The following TRUB2 variants were observed in gnomAD, a reference collection of about 807,000 sequenced individuals.
TRUB2 encodes the protein TruB pseudouridine synthase family member 2, also known as pseudouridylate synthase TRUB2, mitochondrial.
Under a neutral mutation model 31.9 loss-of-function variants are expected in TRUB2, and 31 were observed. The observed-to-expected ratio is 0.97, with a 90% CI of 0.73 to 1.31. TRUB2 has a LOEUF of 1.31. TRUB2 is among the 50% of genes most tolerant of loss of function. The pLI, the probability that TRUB2 is intolerant of heterozygous loss-of-function variation, is 0.00. For missense variants in TRUB2, 451 were observed against 439.6 expected, an observed-to-expected ratio of 1.03 and a Z score of -0.23; for synonymous variants, 201 against 182.6, an observed-to-expected ratio of 1.10 and a Z score of -0.81.
In TRUB2 at chr9:128,309,376, C is replaced by T; in HGVS notation, c.*174G>A. 1.5e-6 allele frequency: 1 copy of T among 647,456 alleles called. No homozygotes were observed. The highest frequency in any genetic ancestry group is 2.6e-6 in the Non-Finnish European group (1 of 381,268). The allele number at this position is 647,456 out of a possible 1,614,324, so 40.1% of individuals were successfully genotyped here. On this transcript the variant is annotated 3_prime_UTR_variant, in exon 8 of 8. Coordinates refer to ENST00000372890, the MANE Select transcript of TRUB2 (RefSeq NM_015679.3). The stretch of plus-strand genomic sequence containing the variant: ...CATGTTTACTGTCTTTTCCTCCATA[C>T]AGAAGTTTTTCCTTCTCAGTTGGGT...
At chr9:128,321,507 G>A in intron 2 of TRUB2, 92 bp downstream of exon 2, 2 of 1,592,716 alleles carry the variant, frequency 1.3e-6, no homozygotes, top group Non-Finnish European at 1.7e-6. Flanking sequence ...ACCTTCAAGG[G>A]CCTGGCACAG....
At chr9:128,321,445 C>T (rs1012915457) in intron 2 of TRUB2, among the ~76,000 whole-genome samples, 154 bp downstream of exon 2, 1 of 152,168 alleles carries the variant, frequency 6.6e-6, no homozygotes, top group Admixed American at 6.5e-5. Flanking sequence ...AGTATCTGGC[C>T]CTTTCCAAGG....
At chr9:128,315,667 C>T in intron 3 of TRUB2, 39 bp from the exon 4 acceptor site, 3 of 1,601,548 alleles carry the variant, frequency 1.9e-6, no homozygotes, top group Non-Finnish European at 1.7e-6. Context: ...CTGGGACCCC[C>T]TTCCCATTCC....
In TRUB2 at chr9:128,321,724, T is replaced by C. The variant is rs1438918966; in HGVS notation, c.116A>G (p.Asn39Ser). 7.4e-6 allele frequency: 12 copies of C among 1,613,314 alleles called. No homozygotes were observed. Among genetic ancestry groups the C allele is most frequent in the African/African-American group, 1.3e-5 (1 of 74,902 alleles). Residue 39 changes from asparagine (N) to serine (S), a missense_variant, in exon 2 of 8, where the codon AAT becomes AGT. Physicochemically the swap from Asn to Ser is conservative, Grantham distance 46. Coordinates refer to ENST00000372890, the MANE Select transcript of TRUB2 (RefSeq NM_015679.3). ...TVELQLLKGL[N>S]ARKPPAPKQR... is the part of the protein sequence containing the mutation. The stretch of plus-strand genomic sequence containing the variant: ...TTTAGGAGCGGGAGGCTTCCTGGCA[T>C]TGAGACCTGAACACACAGAGATAAT...
chr9:128,322,358 C>A lies in TRUB2; in HGVS notation c.51G>T (p.Lys17Asn), dbSNP rs1398003468. 1 of 1,614,106 alleles carries A rather than the reference C, an allele frequency of 6.2e-7. No individual in the cohort carries two copies. Among genetic ancestry groups the A allele is most frequent in the Non-Finnish European group, 8.5e-7 (1 of 1,180,026 alleles). Reference sequence around the variant, plus strand: ...GGTGCTTCCATTTTAGCCCCGGGGGCTTATAGACCGCGAAAAGCCCATGCA... The same window carrying A: ...GGTGCTTCCATTTTAGCCCCGGGGGATTATAGACCGCGAAAAGCCCATGCA... ...SRLHGLFAVY[K>N]PPGLKWKHLR... is the part of the protein sequence containing the mutation. Residue 17 changes from lysine (K) to asparagine (N), a missense_variant, in exon 1 of 8, where the codon AAG becomes AAT. Lys to Asn is a moderately conservative substitution (Grantham distance 94, BLOSUM62 0). Transcript: ENST00000372890.
chr9:128,315,884 A>G, intron 3 of TRUB2: 1 of 514,082 alleles, frequency 1.9e-6, no homozygotes, highest in Admixed American at 3.2e-5. Flanking sequence ...AGCTCTCCAC[A>G]GGATTCTGAC....
chr9:128,314,526 C>T (rs1832035002), intron 4 of TRUB2, among the ~76,000 whole-genome samples: 1 of 152,114 alleles, frequency 6.6e-6, no homozygotes, highest in South Asian at 2.1e-4. Flanking sequence ...AATCCCAGCA[C>T]TTTGGGAGAC....
At chr9:128,315,468 T>A in intron 4 of TRUB2, 99 bp downstream of exon 4, 4 of 1,272,548 alleles carry the variant, frequency 3.1e-6, no homozygotes, top group Middle Eastern at 2.5e-4. Context: ...TGCTTATGGC[T>A]TGGGTGTTCC....
In TRUB2 at chr9:128,309,555, G is replaced by A; in HGVS notation, c.991C>T (p.Gln331Ter). The change falls in exon 8 of 8, where the codon CAG becomes TAG. Residue 331 changes from glutamine (Q) to a stop codon, truncating the protein, a stop_gained. Transcript: ENST00000372890. LOFTEE classifies it high-confidence loss of function. Reference protein sequence around the residue: ...STLGLERGAGQ With the variant: ...STLGLERGAG The stretch of plus-strand genomic sequence containing the variant: ...CCCAGGAGCTGCCTGGGCATTCACT[G>A]CCCCGCACCCCTCTCCAGCCCCAAG... 6.2e-7 allele frequency: 1 copy of A among 1,608,544 alleles called. No individual in the cohort carries two copies.
chr9:128,320,791 A>G (rs951492635), intron 2 of TRUB2, among the ~76,000 whole-genome samples: 2 of 150,702 alleles, frequency 1.3e-5, no homozygotes, highest in Admixed American at 1.3e-4. Flanking sequence ...TCATCTCTAG[A>G]TTACCTTTTT....
At chr9:128,321,999 T>C (rs1456155941) in intron 1 of TRUB2, among the ~76,000 whole-genome samples, 5 of 152,156 alleles carry the variant, frequency 3.3e-5, no homozygotes, top group Admixed American at 6.6e-5. Flanking sequence ...GGAAGTATGA[T>C]GTAGAAGACA....
At chr9:128,312,614 TA>T (rs1015907712) in intron 5 of TRUB2, among the ~76,000 whole-genome samples, 12 of 146,060 alleles carry the variant, frequency 8.2e-5, no homozygotes, top group South Asian at 6.5e-4. Context: ...GTATTATTAT[TA>T]TTTTTTTTTT....
chr9:128,313,681 C>G, intron 5 of TRUB2, 127 bp downstream of exon 5: 1 of 828,406 alleles, frequency 1.2e-6, no homozygotes. Flanking sequence ...ATCCCGTGGC[C>G]AAAGCCTCAG....
At chr9:128,315,938 C>A in intron 3 of TRUB2, 1 of 403,876 alleles carries the variant, frequency 2.5e-6, no homozygotes, top group Non-Finnish European at 4.7e-6. Context: ...CAAACCTGCA[C>A]TCAAATCAGG....
intron 5 of TRUB2, among the ~76,000 whole-genome samples, chr9:128,313,551 A>G (rs565997980): frequency 1.2e-4 from 18 of 152,000 alleles, no homozygotes; most frequent in East Asian, 3.9e-4. Flanking sequence ...AAAAAAAAAA[A>G]AAAGAAAAGA....
At position 128,317,204 on chromosome 9, in the gene TRUB2, A is replaced by G. The variant is rs535820762; in HGVS notation, c.264T>C (p.His88=). The change falls in exon 3 of 8, where the codon CAT becomes CAC. Residue 88 remains histidine (H), a synonymous_variant. Transcript: ENST00000372890. ...HPLVCGPAFA[H]LKVGVGHRLD... Reference sequence around the variant, plus strand: ...ACCGATGTCCCACGCCAACCTTGAGATGGGCGAATGCTGGTCCACATACTG... The same window carrying G: ...ACCGATGTCCCACGCCAACCTTGAGGTGGGCGAATGCTGGTCCACATACTG... 1 of 1,595,362 alleles carries G rather than the reference A, an allele frequency of 6.3e-7. No individual in the cohort carries two copies. The highest frequency in any genetic ancestry group is 1.7e-5 in the Admixed American group (1 of 58,100).
In TRUB2 at chr9:128,315,620, C is replaced by A. The variant is rs770486216; in HGVS notation, c.325G>T (p.Val109Leu). Reference protein sequence around the residue: ...AQASGVLVLGVGHGCRLLTDM... With the variant: ...AQASGVLVLGLGHGCRLLTDM... Reference sequence around the variant, plus strand: ...GTGAGGAGCCTGCATCCATGTCCCACGCCGAGCACTGAAAAGCAGCCAGCG... The same window carrying A: ...GTGAGGAGCCTGCATCCATGTCCCAAGCCGAGCACTGAAAAGCAGCCAGCG... The change falls in exon 4 of 8, where the codon GTG becomes TTG. Residue 109 changes from valine (V) to leucine (L), a missense_variant. By Grantham distance (32) the Val-to-Leu change is conservative. Transcript: ENST00000372890. The A allele has an allele frequency of 6.2e-7, 1 of 1,613,462 alleles. No individual in the cohort carries two copies. The highest frequency in any genetic ancestry group is 2.2e-5 in the East Asian group (1 of 44,876).
intron 4 of TRUB2, among the ~76,000 whole-genome samples, chr9:128,314,701 G>A (rs1373414367): frequency 2.6e-5 from 4 of 152,200 alleles, no homozygotes; most frequent in Admixed American, 6.6e-5. Flanking sequence ...AAAGTGGCAG[G>A]AGCCACTGAG....
Position 128,309,560 on chromosome 9 carries a change from G to C in TRUB2, c.986C>G (p.Ala329Gly). Residue 329 changes from alanine to glycine, a missense_variant, in exon 8 of 8, where the codon GCG becomes GGG. Transcript: ENST00000372890. ...GAGCTGCCTGGGCATTCACTGCCCC[G>C]CACCCCTCTCCAGCCCCAAGGTAGA... is the stretch of plus-strand genomic sequence containing the variant. ...PSSTLGLERG[A>G]GQ 6.2e-7 allele frequency: 1 copy of C among 1,609,452 alleles called. No individual in the cohort carries two copies. The highest frequency in any genetic ancestry group is 1.1e-5 in the South Asian group (1 of 91,004).
Sources: gnomAD v4.1 joint callset for allele counts (sites outside exome capture counted in the v4.1 genomes callset) on GRCh38, gnomAD v4.1.1 for gene constraint, MANE v1.5 for transcripts, NCBI Gene and HGNC (gene_info 2026-07-23, HGNC 2026-07-21) for gene names.